SLC35F3: variants seen among roughly 807,000 people sequenced by gnomAD.
The protein encoded by SLC35F3 is putative thiamine transporter SLC35F3.
SLC35F3 carries 25 observed loss-of-function variants against 49.9 expected under a neutral mutation model. The observed-to-expected ratio is 0.50, with a 90% CI of 0.37 to 0.70. SLC35F3 has a LOEUF of 0.70. SLC35F3 is among the 30% of genes least tolerant of loss of function. The pLI is 0.00. For missense variants in SLC35F3, 525 were observed against 639.8 expected (o/e 0.82, Z 1.94); for synonymous variants, 275 against 265.4 (o/e 1.04, Z -0.35).
intron 2 of SLC35F3, among the ~76,000 whole-genome samples, chr1:233,975,783 A>G (rs1012546033): frequency 6.6e-6 from 1 of 152,196 alleles, no homozygotes; most frequent in African/African-American, 2.4e-5. Flanking sequence ...CCCGGAGCAC[A>G]TGTGCAGCTC....
intron 2 of SLC35F3, among the ~76,000 whole-genome samples, chr1:233,927,171 A>G (rs1042283357): frequency 3.3e-5 from 5 of 152,212 alleles, no homozygotes; most frequent in African/African-American, 7.2e-5. Flanking sequence ...GGAAGACATC[A>G]TGATTTGTTT....
rs1667362499 is a variant in SLC35F3 at position 234,231,124 on chromosome 1, C to T, written c.284-293C>T. On this transcript the variant is annotated intron_variant, in intron 2 of 7. Coordinates refer to ENST00000366618, the MANE Select transcript of SLC35F3 (RefSeq NM_173508.4). The surrounding 1 kb of genome is among the most constrained non-coding windows in gnomAD (Gnocchi z 5.4). Reference sequence around the variant, plus strand: ...TTCTGATTTTGGAGTCTGGGGTGAGCCCTGAGATTCTGCATTTCCAACACG... The same window carrying T: ...TTCTGATTTTGGAGTCTGGGGTGAGTCCTGAGATTCTGCATTTCCAACACG... 6.6e-6 allele frequency among the ~76,000 whole-genome samples: 1 copy of T among 152,208 alleles called. No homozygotes were observed. Among genetic ancestry groups the T allele is most frequent in the Non-Finnish European group, 1.5e-5 (1 of 68,038 alleles).
intron 2 of SLC35F3, among the ~76,000 whole-genome samples, chr1:234,133,444 C>T (rs978680198): frequency 6.6e-6 from 1 of 152,064 alleles, no homozygotes; most frequent in Non-Finnish European, 1.5e-5. Flanking sequence ...AAATGCTGTC[C>T]CCTTCCAGGA....
intron 2 of SLC35F3, among the ~76,000 whole-genome samples, chr1:233,956,557 C>T (rs764434762): frequency 3.9e-5 from 6 of 152,188 alleles, no homozygotes; most frequent in Non-Finnish European, 7.3e-5. Context: ...GTAGAGTGCA[C>T]ATCTGCATAG....
chr1:234,304,394 C>G (rs1350531555), intron 3 of SLC35F3, among the ~76,000 whole-genome samples: 1 of 152,106 alleles, frequency 6.6e-6, no homozygotes, highest in African/African-American at 2.4e-5. Context: ...AACTCCTGAC[C>G]TCAAGTGATC....
At chr1:234,040,139 G>T (rs1396108281) in intron 2 of SLC35F3, among the ~76,000 whole-genome samples, 1 of 152,138 alleles carries the variant, frequency 6.6e-6, no homozygotes, top group Non-Finnish European at 1.5e-5. Flanking sequence ...AGCTGGAAAG[G>T]GGACAGTAAA....
intron 2 of SLC35F3, among the ~76,000 whole-genome samples, chr1:234,185,269 T>G (rs959451441): frequency 6.6e-6 from 1 of 152,066 alleles, no homozygotes; most frequent in Admixed American, 6.5e-5. Context: ...GGCAAAACCA[T>G]CACCAGAGGT....
In SLC35F3 at chr1:234,291,012, G is replaced by A. The variant is rs56938698; in HGVS notation, c.609-18089G>A. Among the ~76,000 whole-genome samples the A allele has an allele frequency of 6.3e-3, 966 of 152,226 alleles. 11 individuals are homozygous for A. The highest frequency in any genetic ancestry group is 0.022 in the African/African-American group (894 of 41,526). On this transcript the variant is annotated intron_variant, in intron 3 of 7. Transcript: ENST00000366618. ...TATGACCTTAAACTTCAGATTCACCGTTAAAGAATAGGCTCTTCACTGGAG... is the reference window on the plus strand; with the variant it reads ...TATGACCTTAAACTTCAGATTCACCATTAAAGAATAGGCTCTTCACTGGAG...
At chr1:233,909,087 G>A (rs948989109) in intron 2 of SLC35F3, among the ~76,000 whole-genome samples, 2 of 152,118 alleles carry the variant, frequency 1.3e-5, no homozygotes, top group African/African-American at 4.8e-5. Context: ...TCGAACTCCT[G>A]ATCTTGTGAT....
At chr1:234,228,639 A>T (rs1228886262) in intron 2 of SLC35F3, among the ~76,000 whole-genome samples, 1 of 152,162 alleles carries the variant, frequency 6.6e-6, no homozygotes, top group African/African-American at 2.4e-5. Context: ...AAATAAATGA[A>T]AGATAAAAAC....
chr1:234,175,270 G>A (rs1204424508), intron 2 of SLC35F3, among the ~76,000 whole-genome samples: 1 of 152,180 alleles, frequency 6.6e-6, no homozygotes, highest in African/African-American at 2.4e-5. Context: ...GTCCAAAGAA[G>A]CAATCTTTAT....
intron 3 of SLC35F3, among the ~76,000 whole-genome samples, chr1:234,236,758 G>A (rs900062759): frequency 5.9e-5 from 9 of 151,796 alleles, no homozygotes; most frequent in African/African-American, 1.9e-4. Context: ...CAGCTGCTGC[G>A]ACTCTGTAGA....
At position 234,299,179 on chromosome 1, in the gene SLC35F3, C is replaced by G. The variant is rs1278771106; in HGVS notation, c.609-9922C>G. On this transcript the variant is annotated intron_variant, in intron 3 of 7. Coordinates refer to ENST00000366618, the MANE Select transcript of SLC35F3 (RefSeq NM_173508.4). ...GTGCTGTTACCCCTCAAGGCATTGA[C>G]TGATACCTAAACTGAATGTTTGGGA... is the stretch of plus-strand genomic sequence containing the variant. Among the ~76,000 whole-genome samples, 3 of 152,192 alleles carry G rather than the reference C, an allele frequency of 2.0e-5. No individual in the cohort carries two copies. The East Asian group carries it at 5.8e-4, about 29-fold the overall frequency.
intron 3 of SLC35F3, among the ~76,000 whole-genome samples, chr1:234,306,225 A>G (rs973461253): frequency 6.6e-6 from 1 of 152,090 alleles, no homozygotes; most frequent in African/African-American, 2.4e-5. Context: ...CAATGGTGCA[A>G]TCTCAGCTCA....
At chr1:234,059,017 T>C (rs1376422798) in intron 2 of SLC35F3, among the ~76,000 whole-genome samples, 1 of 152,224 alleles carries the variant, frequency 6.6e-6, no homozygotes, top group Non-Finnish European at 1.5e-5. Flanking sequence ...TTGGCCTTAA[T>C]TTCCTTGTTT....
chr1:234,307,916 T>C (rs1178450639), intron 3 of SLC35F3, among the ~76,000 whole-genome samples: 1 of 152,188 alleles, frequency 6.6e-6, no homozygotes, highest in Non-Finnish European at 1.5e-5. Context: ...GCCTTCTCAG[T>C]GGCCTTTCTC....
intron 2 of SLC35F3, among the ~76,000 whole-genome samples, chr1:234,164,659 G>A (rs1235199455): frequency 6.6e-6 from 1 of 152,054 alleles, no homozygotes; most frequent in Non-Finnish European, 1.5e-5. Context: ...CCTCCTGCTG[G>A]CCCATCACAG....
intron 7 of SLC35F3, among the ~76,000 whole-genome samples, chr1:234,321,412 C>T (rs756954340): frequency 3.3e-5 from 5 of 152,188 alleles, no homozygotes; most frequent in South Asian, 2.1e-4. Flanking sequence ...ATGAAATAAC[C>T]GATGAGACAG....
chr1:234,035,854 T>G (rs1024361465), intron 2 of SLC35F3, among the ~76,000 whole-genome samples: 3 of 152,238 alleles, frequency 2.0e-5, no homozygotes, highest in Non-Finnish European at 4.4e-5. Context: ...TCTTTTGGAC[T>G]TTATTCTCCT....
Sources: gnomAD v4.1 joint callset for allele counts (sites outside exome capture counted in the v4.1 genomes callset) on GRCh38, gnomAD v4.1.1 for gene constraint, Gnocchi (gnomAD v3.1) non-coding constraint, MANE v1.5 for transcripts, NCBI Gene and HGNC (gene_info 2026-07-23, HGNC 2026-07-21) for gene names.